The following XPR1 variants were observed in gnomAD, a reference collection of about 807,000 sequenced individuals.
The protein encoded by XPR1 is solute carrier family 53 member 1.
A neutral mutation model predicts 87.5 loss-of-function variants in XPR1; 28 were observed. That is an observed-to-expected ratio of 0.32 (90% confidence interval 0.24 to 0.44). XPR1 has a LOEUF of 0.44. Ranked by LOEUF, XPR1 falls within the 20% of genes least tolerant of loss-of-function variation. XPR1 has a pLI of 1.00. For synonymous variants in XPR1, 300 were observed against 306.1 expected, an observed-to-expected ratio of 0.98 and a Z score of 0.21; for missense variants, 559 against 862.3, an observed-to-expected ratio of 0.65 and a Z score of 4.41.
chr1:180,735,381 A>AC (rs1401712649), intron 2 of XPR1, among the ~76,000 whole-genome samples: 13 of 152,240 alleles, frequency 8.5e-5, no homozygotes, highest in African/African-American at 3.1e-4. Context: ...AAACAAAAAC[A>AC]GACAACATCT....
chr1:180,674,229 G>T (rs995659488), intron 1 of XPR1, among the ~76,000 whole-genome samples: 1 of 152,136 alleles, frequency 6.6e-6, no homozygotes, highest in East Asian at 1.9e-4. Context: ...TTTTCCCAAG[G>T]TTATACAACT....
At chr1:180,711,553 A>T (rs2101984882) in intron 2 of XPR1, among the ~76,000 whole-genome samples, 1 of 151,246 alleles carries the variant, frequency 6.6e-6, no homozygotes, top group African/African-American at 2.4e-5. Flanking sequence ...CAGTGAGCAG[A>T]GATGGGGGCA....
At chr1:180,774,384 CTT>C (rs71121051) in intron 2 of XPR1, among the ~76,000 whole-genome samples, 1,498 of 68,930 alleles carry the variant, frequency 0.022, 22 homozygotes, top group African/African-American at 0.079. Context: ...TCTTTCCTAT[CTT>C]TTTTTTTTTT....
At chr1:180,883,771 T>G (rs1054941383) in intron 14 of XPR1, among the ~76,000 whole-genome samples, 1 of 151,496 alleles carries the variant, frequency 6.6e-6, no homozygotes, top group Non-Finnish European at 1.5e-5. Flanking sequence ...GCGTTGCACA[T>G]ACCCTGCCAT....
chr1:180,656,490 TTA>T (rs1491398378), intron 1 of XPR1, among the ~76,000 whole-genome samples: 2 of 10,662 alleles, frequency 1.9e-4, no homozygotes, highest in African/African-American at 4.7e-4. Context: ...TATATAATAT[TTA>T]TATATTATAT....
In XPR1 at chr1:180,678,097, A is replaced by G. The variant is rs370547036; in HGVS notation, c.70-4263A>G. Among the ~76,000 whole-genome samples, 7 of 152,350 alleles carry G rather than the reference A, an allele frequency of 4.6e-5. No individual in the cohort carries two copies. In the East Asian group the frequency reaches 1.2e-3, roughly 25 times the overall value. On this transcript the variant is annotated intron_variant, in intron 1 of 14. Coordinates refer to ENST00000367590, the MANE Select transcript of XPR1 (RefSeq NM_004736.4). ...AAGGATGCAACTTAAAAACAGCCTA[A>G]TGGAGAGATGCATAGTGCAAGATGT...
At chr1:180,829,050 G>A (rs1397223767) in intron 9 of XPR1, among the ~76,000 whole-genome samples, 1 of 152,096 alleles carries the variant, frequency 6.6e-6, no homozygotes, top group African/African-American at 2.4e-5. Flanking sequence ...TGAAAAATTA[G>A]TGGGGCATGG....
At chr1:180,671,652 T>G (rs1656180148) in intron 1 of XPR1, among the ~76,000 whole-genome samples, 1 of 152,120 alleles carries the variant, frequency 6.6e-6, no homozygotes, top group Non-Finnish European at 1.5e-5. Context: ...AGCCTTGGGA[T>G]TACATGTGTC....
At chr1:180,764,881 G>A (rs924609669) in intron 2 of XPR1, among the ~76,000 whole-genome samples, 8 of 151,358 alleles carry the variant, frequency 5.3e-5, no homozygotes, top group African/African-American at 1.9e-4. Flanking sequence ...CACCTCCCGG[G>A]TTCACGCCAT....
In XPR1 at chr1:180,815,896, T is replaced by C. The variant is rs1207511910; in HGVS notation, c.763+4408T>C. On this transcript the variant is annotated intron_variant, in intron 7 of 14. Coordinates refer to ENST00000367590, the MANE Select transcript of XPR1 (RefSeq NM_004736.4). ...CAAAATTATGTTGATTAAGCCGTTT[T>C]GTTTCTAGAAATTTATCCTACAAAC... Among the ~76,000 whole-genome samples, 6 of 152,204 alleles carry C rather than the reference T, an allele frequency of 3.9e-5. No individual in the cohort carries two copies. In the East Asian group the frequency reaches 1.2e-3, roughly 29 times the overall value.
intron 2 of XPR1, among the ~76,000 whole-genome samples, chr1:180,741,071 A>G (rs990863119): frequency 6.6e-6 from 1 of 152,354 alleles, no homozygotes; most frequent in Middle Eastern, 3.4e-3. Context: ...CATTCAATCT[A>G]TAATACCTCC....
chr1:180,771,916 A>G (rs780307148), intron 2 of XPR1, among the ~76,000 whole-genome samples: 1 of 152,258 alleles, frequency 6.6e-6, no homozygotes, highest in Admixed American at 6.5e-5. Context: ...GGATTGATAA[A>G]TATCTTCTTG....
intron 2 of XPR1, among the ~76,000 whole-genome samples, chr1:180,690,816 T>A (rs572635708): frequency 6.6e-6 from 1 of 151,304 alleles, no homozygotes; most frequent in South Asian, 2.1e-4. Flanking sequence ...ACTTGACACA[T>A]CATTGAGTAG....
chr1:180,701,910 G>T, intron 2 of XPR1, among the ~76,000 whole-genome samples: 1 of 121,970 alleles, frequency 8.2e-6, no homozygotes, highest in Non-Finnish European at 1.7e-5. Context: ...TTGATTTTTT[G>T]AAGGGTTTTT....
chr1:180,833,520 A>C (rs1008814214), intron 9 of XPR1, among the ~76,000 whole-genome samples: 12 of 152,190 alleles, frequency 7.9e-5, no homozygotes, highest in African/African-American at 2.9e-4. Context: ...AAAACACAAA[A>C]AAAACAGGGG....
At chr1:180,711,413 A>C (rs1657787415) in intron 2 of XPR1, among the ~76,000 whole-genome samples, 1 of 152,212 alleles carries the variant, frequency 6.6e-6, no homozygotes, top group Admixed American at 6.5e-5. Context: ...GGAGCTGGAG[A>C]CCAGCCTGGC....
intron 2 of XPR1, among the ~76,000 whole-genome samples, chr1:180,779,676 G>C (rs980101518): frequency 2.0e-5 from 3 of 151,876 alleles, no homozygotes; most frequent in Non-Finnish European, 4.4e-5. Context: ...ACTTGAACCC[G>C]GGAGGCAGAA....
At chr1:180,661,715 A>G (rs1410598871) in intron 1 of XPR1, among the ~76,000 whole-genome samples, 1 of 152,094 alleles carries the variant, frequency 6.6e-6, no homozygotes, top group East Asian at 1.9e-4. Flanking sequence ...ACTAAAAAAA[A>G]TATGCAAAAA....
intron 2 of XPR1, among the ~76,000 whole-genome samples, chr1:180,696,051 C>G (rs1166129185): frequency 6.6e-6 from 1 of 151,482 alleles, no homozygotes; most frequent in Non-Finnish European, 1.5e-5. Context: ...ATTAATTCTT[C>G]TGACCCATGA....
Sources: gnomAD v4.1 joint callset for allele counts (sites outside exome capture counted in the v4.1 genomes callset) on GRCh38, gnomAD v4.1.1 for gene constraint, MANE v1.5 for transcripts, NCBI Gene and HGNC (gene_info 2026-07-23, HGNC 2026-07-21) for gene names.